ADGRV1: variants seen among roughly 807,000 people sequenced by gnomAD.
The protein encoded by ADGRV1 is G-protein coupled receptor 98.
ADGRV1 carries 359 observed loss-of-function variants against 596.2 expected under a neutral mutation model. That is an observed-to-expected ratio of 0.60 (90% confidence interval 0.55 to 0.66). ADGRV1 has a LOEUF of 0.66. Among genes scored for constraint, ADGRV1 ranks in the 30% least tolerant of loss-of-function variants. The pLI, the probability that ADGRV1 is intolerant of heterozygous loss-of-function variation, is 0.00. For synonymous variants in ADGRV1, 2,681 were observed against 2,679.2 expected (o/e 1.00, Z -0.02); for missense variants, 7,274 against 7,575.6 (o/e 0.96, Z 1.48).
intron 75 of ADGRV1, among the ~76,000 whole-genome samples, chr5:90,816,383 T>C (rs919858472): frequency 2.8e-5 from 4 of 144,590 alleles, no homozygotes; most frequent in African/African-American, 1.1e-4. Flanking sequence ...TTTTTAAATT[T>C]TATTATTATT....
chr5:90,907,283 T>G (rs2150672194), intron 83 of ADGRV1, among the ~76,000 whole-genome samples: 1 of 152,278 alleles, frequency 6.6e-6, no homozygotes, highest in African/African-American at 2.4e-5. Flanking sequence ...TATGTATCAC[T>G]TTGGTTGGAT....
In ADGRV1 at chr5:90,712,572, C is replaced by G. The variant is rs1488619594; in HGVS notation, c.9184+144C>G. 2.0e-5 allele frequency: 13 copies of G among 659,838 alleles called. No homozygotes were observed. The South Asian group carries it at 3.0e-4, about 15-fold the overall frequency. The allele number at this position is 659,838 out of a possible 1,614,324, so 40.9% of individuals were successfully genotyped here. A position where few individuals can be genotyped will look rare whatever the true frequency, so the allele number is the denominator to read the frequency against. On this transcript the variant is annotated intron_variant, in intron 42 of 89. Transcript: ENST00000405460. ...TTTTAAGTTAGAGCATTTCAGAATT[C>G]CTGTGTCTGTGTAACAGTGCCTCTC...
intron 20 of ADGRV1, 24 bp from the exon 21 acceptor site, chr5:90,657,881 A>G (rs755023125): frequency 6.3e-7 from 1 of 1,586,028 alleles, no homozygotes; most frequent in Non-Finnish European, 8.6e-7. Flanking sequence ...GTATTGTAGC[A>G]TTTAAACTTG....
chr5:90,783,957 G>C lies in ADGRV1; in HGVS notation c.13553G>C (p.Arg4518Thr). The change falls in exon 67 of 90, where the codon AGG (arginine) becomes ACG (threonine). Residue 4518 changes from arginine (R) to threonine (T), a missense_variant. Arg to Thr is a moderately conservative substitution (Grantham distance 71). Coordinates refer to ENST00000405460, the MANE Select transcript of ADGRV1 (RefSeq NM_032119.4). ...AGTGACTCTCCCTTTGGAGTTATAA[G>C]GTTTCTCAATCAAAGCAAAATTTCT... ...AKSDSPFGVI[R>T]FLNQSKISIA... The C allele has an allele frequency of 1.2e-6, 2 of 1,612,254 alleles. No homozygotes were observed. Among genetic ancestry groups the C allele is most frequent in the South Asian group, 1.1e-5 (1 of 90,634 alleles).
At chr5:90,792,445 A>G (rs1760188420) in intron 70 of ADGRV1, 1 of 152,224 alleles carries the variant, frequency 6.6e-6, no homozygotes, top group Non-Finnish European at 1.5e-5. Flanking sequence ...GTTGCTTAAT[A>G]AAGAAAACAA....
chr5:90,695,051 T>TA (rs941634465), intron 33 of ADGRV1, among the ~76,000 whole-genome samples: 1 of 152,202 alleles, frequency 6.6e-6, no homozygotes, highest in Non-Finnish European at 1.5e-5. Context: ...CCCATGTACT[T>TA]ACAACCATAC....
At chr5:90,576,932 C>G (rs988816642) in intron 1 of ADGRV1, among the ~76,000 whole-genome samples, 3 of 152,162 alleles carry the variant, frequency 2.0e-5, no homozygotes, top group Non-Finnish European at 4.4e-5. Context: ...AGTGTCTGTT[C>G]ATATCCTTTT....
chr5:90,781,712 A>G (rs1387924401), intron 65 of ADGRV1, 134 bp downstream of exon 65: 3 of 745,368 alleles, frequency 4.0e-6, no homozygotes, highest in African/African-American at 3.6e-5. Context: ...ACACTTTTAT[A>G]TTTATTTACT....
At chr5:90,938,237 T>C (rs1775878234) in intron 83 of ADGRV1, among the ~76,000 whole-genome samples, 1 of 152,198 alleles carries the variant, frequency 6.6e-6, no homozygotes, top group African/African-American at 2.4e-5. Flanking sequence ...TGTCATTCAA[T>C]AGTTTTTAAT....
At chr5:91,018,298 C>A (rs1210026186) in intron 85 of ADGRV1, among the ~76,000 whole-genome samples, 2 of 151,948 alleles carry the variant, frequency 1.3e-5, no homozygotes, top group Non-Finnish European at 2.9e-5. Context: ...GACAGCTCAG[C>A]TCCAGATGAA....
intron 86 of ADGRV1, among the ~76,000 whole-genome samples, chr5:91,087,562 G>A (rs758132526): frequency 3.8e-4 from 58 of 152,002 alleles, no homozygotes; most frequent in Non-Finnish European, 5.9e-4. Flanking sequence ...TCGGCCTCCC[G>A]AAGTGAATGT....
intron 1 of ADGRV1, among the ~76,000 whole-genome samples, chr5:90,613,969 C>T (rs981539396): frequency 2.6e-5 from 4 of 151,980 alleles, no homozygotes; most frequent in Non-Finnish European, 4.4e-5. Context: ...TGAATGATCA[C>T]ATAGATCCAC....
At chr5:90,791,424 T>C in intron 70 of ADGRV1, 78 bp downstream of exon 70, 1 of 1,054,930 alleles carries the variant, frequency 9.5e-7, no homozygotes, top group Non-Finnish European at 1.3e-6. Context: ...TCATAATCAG[T>C]TTGAAATCTT....
intron 82 of ADGRV1, among the ~76,000 whole-genome samples, chr5:90,857,433 CTGATTTTATAGAAAACTAGTAGGACTGA>C (rs1449256899): frequency 1.3e-5 from 2 of 151,706 alleles, no homozygotes; most frequent in African/African-American, 4.8e-5. Context: ...GAATGTTATC[CTGATTTTATAGAAAACTAGTAGGACTGA>C]ATATAATGAG....
At chr5:90,966,061 G>A (rs1319337918) in intron 84 of ADGRV1, among the ~76,000 whole-genome samples, 2 of 152,160 alleles carry the variant, frequency 1.3e-5, no homozygotes, top group African/African-American at 4.8e-5. Context: ...TATAGGATGT[G>A]AAGACTTGTT....
intron 50 of ADGRV1, among the ~76,000 whole-genome samples, chr5:90,740,494 G>C (rs978009544): frequency 6.6e-6 from 1 of 152,164 alleles, no homozygotes; most frequent in Non-Finnish European, 1.5e-5. Flanking sequence ...AGGAGAGCAC[G>C]CAGGCTGGCT....
intron 1 of ADGRV1, among the ~76,000 whole-genome samples, chr5:90,570,085 A>G (rs1179667164): frequency 2.6e-5 from 4 of 151,996 alleles, no homozygotes; most frequent in Non-Finnish European, 4.4e-5. Context: ...ATGTTCTTTC[A>G]TTTCACCCTG....
intron 19 of ADGRV1, among the ~76,000 whole-genome samples, chr5:90,652,822 C>G (rs912770962): frequency 6.6e-6 from 1 of 152,142 alleles, no homozygotes; most frequent in Non-Finnish European, 1.5e-5. Context: ...TAGACTTTCT[C>G]CACACCAACT....
At chr5:91,056,335 C>CT (rs1219217332) in intron 85 of ADGRV1, among the ~76,000 whole-genome samples, 1 of 151,746 alleles carries the variant, frequency 6.6e-6, no homozygotes, top group Non-Finnish European at 1.5e-5. Flanking sequence ...TGACCATGAC[C>CT]TTTTTTTTGG....
Sources: gnomAD v4.1 joint callset for allele counts (sites outside exome capture counted in the v4.1 genomes callset) on GRCh38, gnomAD v4.1.1 for gene constraint, MANE v1.5 for transcripts, NCBI Gene and HGNC (gene_info 2026-07-23, HGNC 2026-07-21) for gene names.